Variants in SLC6A11 observed in about 807,000 individuals in gnomAD.
The protein encoded by SLC6A11 is solute carrier family 6 member 11, also known as sodium- and chloride-dependent GABA transporter 3.
SLC6A11 carries 25 observed loss-of-function variants against 74.8 expected under a neutral mutation model. The observed-to-expected ratio is 0.33, with a 90% confidence interval of 0.24 to 0.47. The LOEUF is 0.47. Among genes scored for constraint, SLC6A11 ranks in the 20% least tolerant of loss-of-function variants. The pLI, the probability that SLC6A11 is intolerant of heterozygous loss-of-function variation, is 1.00. For synonymous variants in SLC6A11, 330 were observed against 330.2 expected (o/e 1.00, Z 0.01); for missense variants, 574 against 837.0 (o/e 0.69, Z 3.88).
intron 8 of SLC6A11, among the ~76,000 whole-genome samples, chr3:10,919,917 C>T (rs1237923395): frequency 6.6e-6 from 1 of 152,182 alleles, no homozygotes; most frequent in Non-Finnish European, 1.5e-5. Context: ...TAATCCAGGC[C>T]ATCTGGCTAT....
At chr3:10,819,938 C>A in intron 3 of SLC6A11, 86 bp downstream of exon 3, 1 of 1,422,262 alleles carries the variant, frequency 7.0e-7, no homozygotes, top group South Asian at 1.3e-5. Flanking sequence ...CAGTCCTGGT[C>A]CCTGGCCTCT....
intron 4 of SLC6A11, among the ~76,000 whole-genome samples, chr3:10,826,324 G>C (rs1694209415): frequency 6.6e-6 from 1 of 152,196 alleles, no homozygotes; most frequent in East Asian, 1.9e-4. Flanking sequence ...TTCTGGGCTG[G>C]GTGGGCCTGT....
chr3:10,889,882 C>T (rs1026676492), intron 6 of SLC6A11, among the ~76,000 whole-genome samples: 7 of 152,164 alleles, frequency 4.6e-5, no homozygotes, highest in African/African-American at 9.7e-5. Context: ...CACCTGCCCT[C>T]GCTCCCATGC....
chr3:10,863,312 G>GT (rs1422270084), intron 5 of SLC6A11, among the ~76,000 whole-genome samples: 5 of 152,242 alleles, frequency 3.3e-5, no homozygotes, highest in Non-Finnish European at 5.9e-5. Flanking sequence ...ACCTGGTGCT[G>GT]TGTAGACATG....
At chr3:10,872,643 A>G (rs909668474) in intron 5 of SLC6A11, among the ~76,000 whole-genome samples, 2 of 152,212 alleles carry the variant, frequency 1.3e-5, no homozygotes, top group African/African-American at 4.8e-5. Flanking sequence ...TTTACCTTCC[A>G]GGACCTAGCT....
chr3:10,929,460 G>A (rs1695654555), intron 10 of SLC6A11, 121 bp downstream of exon 10: 1 of 1,044,256 alleles, frequency 9.6e-7, no homozygotes, highest in Admixed American at 2.0e-5. Context: ...CTCGGTTTAT[G>A]CTTCCTCCTA....
intron 4 of SLC6A11, among the ~76,000 whole-genome samples, chr3:10,835,490 G>C (rs1008889582): frequency 1.3e-5 from 2 of 152,244 alleles, no homozygotes; most frequent in East Asian, 3.9e-4. Context: ...CACTTCTCCC[G>C]GTGAGGCCTA....
At chr3:10,888,752 A>G (rs758546050) in intron 6 of SLC6A11, among the ~76,000 whole-genome samples, 1 of 152,228 alleles carries the variant, frequency 6.6e-6, no homozygotes, top group Non-Finnish European at 1.5e-5. Flanking sequence ...GTGCCAGCAC[A>G]AAAGAGGAAC....
chr3:10,870,448 C>A (rs77688742), intron 5 of SLC6A11, among the ~76,000 whole-genome samples: 2,511 of 152,302 alleles, frequency 0.016, 71 homozygotes, highest in African/African-American at 0.058. Flanking sequence ...GAGGCTGCAT[C>A]CAAGCTTAGC....
At chr3:10,931,472 A>AC (rs1308855304) in intron 10 of SLC6A11, among the ~76,000 whole-genome samples, 3 of 151,978 alleles carry the variant, frequency 2.0e-5, no homozygotes, top group African/African-American at 7.3e-5. Context: ...CCTGCTCCTG[A>AC]CCCCCACAGA....
At chr3:10,857,439 G>A (rs1575678119) in intron 5 of SLC6A11, among the ~76,000 whole-genome samples, 3 of 152,206 alleles carry the variant, frequency 2.0e-5, no homozygotes, top group Middle Eastern at 6.8e-3. Context: ...AAGTGGAGGT[G>A]GCACCAACAG....
rs1575685334 is a variant in SLC6A11 at position 10,875,171 on chromosome 3, C to T, written c.891+76C>T. 2.8e-5 allele frequency: 37 copies of T among 1,308,428 alleles called. No individual in the cohort carries two copies. In the South Asian group the frequency reaches 6.1e-4, roughly 22 times the overall value. The allele number at this position is 1,308,428 out of a possible 1,614,324, so 81.1% of individuals were successfully genotyped here. On this transcript the variant is annotated intron_variant, in intron 6 of 13. Transcript: ENST00000254488. ...CTTCTGCAGAGCCCCTGCCACTGGC[C>T]ACTGAGATTCAACAGCTGGTTGAAC...
intron 6 of SLC6A11, among the ~76,000 whole-genome samples, chr3:10,886,866 A>G (rs1319759387): frequency 6.6e-6 from 1 of 151,280 alleles, no homozygotes; most frequent in Non-Finnish European, 1.5e-5. Flanking sequence ...CCCTTGTTTT[A>G]TTTTATTCAC....
At chr3:10,847,315 G>T (rs1694516691) in intron 5 of SLC6A11, among the ~76,000 whole-genome samples, 1 of 152,168 alleles carries the variant, frequency 6.6e-6, no homozygotes, top group Non-Finnish European at 1.5e-5. Context: ...GTTATAAAGA[G>T]GTATTTAATG....
intron 7 of SLC6A11, among the ~76,000 whole-genome samples, chr3:10,914,533 G>A (rs1432564884): frequency 6.6e-6 from 1 of 152,176 alleles, no homozygotes; most frequent in Non-Finnish European, 1.5e-5. Flanking sequence ...AATCCAGTGT[G>A]CCATCAGGCC....
intron 6 of SLC6A11, among the ~76,000 whole-genome samples, chr3:10,910,880 T>C (rs890232021): frequency 1.4e-5 from 2 of 145,396 alleles, no homozygotes; most frequent in African/African-American, 2.6e-5. Context: ...TGGAGTGAAG[T>C]GGTGTGATCT....
intron 6 of SLC6A11, among the ~76,000 whole-genome samples, chr3:10,910,623 GCCTT>G: frequency 6.6e-6 from 1 of 152,132 alleles, no homozygotes; most frequent in East Asian, 1.9e-4. Flanking sequence ...TACACCACAG[GCCTT>G]CTGAGGCTGA....
chr3:10,835,106 C>T (rs1475436252), intron 4 of SLC6A11, among the ~76,000 whole-genome samples: 1 of 152,224 alleles, frequency 6.6e-6, no homozygotes, highest in African/African-American at 2.4e-5. Context: ...ACAGTGGCTT[C>T]TTGCAATCCT....
intron 5 of SLC6A11, among the ~76,000 whole-genome samples, chr3:10,874,216 A>G (rs866175747): frequency 1.8e-4 from 27 of 152,364 alleles, no homozygotes; most frequent in African/African-American, 5.8e-4. Context: ...AAATATTAGC[A>G]TGTATCACAC....
Sources: gnomAD v4.1 joint callset for allele counts (sites outside exome capture counted in the v4.1 genomes callset) on GRCh38, gnomAD v4.1.1 for gene constraint, MANE v1.5 for transcripts, NCBI Gene and HGNC (gene_info 2026-07-23, HGNC 2026-07-21) for gene names.